The following ELOVL5 variants were observed in gnomAD, a reference collection of about 807,000 sequenced individuals.
The protein encoded by ELOVL5 is very long chain fatty acid elongase 5.
ELOVL5 carries 8 observed loss-of-function variants against 38.6 expected under a neutral mutation model. The ratio of observed to expected loss-of-function variants is 0.21; its 90% confidence interval spans 0.12 to 0.37. The LOEUF is 0.37. ELOVL5 is among the 10% of genes least tolerant of loss of function. The pLI, the probability that ELOVL5 is intolerant of heterozygous loss-of-function variation, is 1.00. For missense variants in ELOVL5, 280 were observed against 367.8 expected, an observed-to-expected ratio of 0.76 and a Z score of 1.95; for synonymous variants, 127 against 133.7, an observed-to-expected ratio of 0.95 and a Z score of 0.34.
At chr6:53,348,096 C>T (rs535254624) in intron 1 of ELOVL5, among the ~76,000 whole-genome samples, 1 of 151,024 alleles carries the variant, frequency 6.6e-6, no homozygotes, top group African/African-American at 2.4e-5. Context: ...GAAAGGGCCG[C>T]CCCGGTCGCC....
intron 1 of ELOVL5, among the ~76,000 whole-genome samples, chr6:53,339,099 G>A (rs1475631825): frequency 6.6e-6 from 1 of 152,140 alleles, no homozygotes; most frequent in African/African-American, 2.4e-5. Context: ...AGTGAGGAGA[G>A]GGAGAAGCAA....
At chr6:53,335,401 C>A (rs964781230) in intron 1 of ELOVL5, among the ~76,000 whole-genome samples, 1 of 152,166 alleles carries the variant, frequency 6.6e-6, no homozygotes, top group African/African-American at 2.4e-5. Flanking sequence ...CAACTACCTG[C>A]CCCCTTTGCC....
At chr6:53,346,597 A>G (rs554230428) in intron 1 of ELOVL5, among the ~76,000 whole-genome samples, 1 of 152,268 alleles carries the variant, frequency 6.6e-6, no homozygotes, top group African/African-American at 2.4e-5. Flanking sequence ...AAAGAGGAGG[A>G]ATTAAAAAAA....
intron 1 of ELOVL5, among the ~76,000 whole-genome samples, chr6:53,308,475 G>A (rs1767694424): frequency 6.6e-6 from 1 of 152,142 alleles, no homozygotes; most frequent in South Asian, 2.1e-4. Context: ...ATAATGAGTG[G>A]ATCAATGAAT....
At position 53,296,400 on chromosome 6, in the gene ELOVL5, C is replaced by T. The variant is rs138381227; in HGVS notation, c.-8-693G>A. On this transcript the variant is annotated intron_variant, in intron 1 of 7. Coordinates refer to ENST00000304434, the MANE Select transcript of ELOVL5 (RefSeq NM_021814.5). The stretch of plus-strand genomic sequence containing the variant: ...GTGAAATCTACCATTAGTAGATGAT[C>T]ATGTCAACTTAGCATTAAAAATAAT... Among the ~76,000 whole-genome samples, 589 of 152,122 alleles carry T rather than the reference C, an allele frequency of 3.9e-3. 3 individuals carry two copies. Among genetic ancestry groups the T allele is most frequent in the African/African-American group, 0.013 (551 of 41,488 alleles).
chr6:53,305,132 G>A (rs1767441123), intron 1 of ELOVL5, among the ~76,000 whole-genome samples: 2 of 150,530 alleles, frequency 1.3e-5, no homozygotes, highest in African/African-American at 2.4e-5. Context: ...CTCCCAGACG[G>A]GGCGGCTCGC....
chr6:53,270,533 A>G (rs771347023), intron 7 of ELOVL5, 60 bp downstream of exon 7: 231 of 1,576,948 alleles, frequency 1.5e-4, no homozygotes, highest in Admixed American at 2.5e-4. Context: ...AAGTAAATAG[A>G]TGAGGGCCTT....
intron 1 of ELOVL5, among the ~76,000 whole-genome samples, chr6:53,326,000 G>C (rs1197713971): frequency 2.0e-5 from 3 of 152,194 alleles, no homozygotes; most frequent in African/African-American, 7.2e-5. Flanking sequence ...CATTTGGCCA[G>C]GTTATTAAGG....
intron 6 of ELOVL5, 34 bp from the exon 7 acceptor site, chr6:53,270,761 A>G: frequency 1.2e-6 from 2 of 1,613,530 alleles, no homozygotes; most frequent in Non-Finnish European, 1.7e-6. Flanking sequence ...CTGAACAGGG[A>G]CAGTGCATGG....
At chr6:53,281,319 A>G (rs1407137397) in intron 3 of ELOVL5, among the ~76,000 whole-genome samples, 1 of 151,098 alleles carries the variant, frequency 6.6e-6, no homozygotes, top group African/African-American at 2.4e-5. Flanking sequence ...CGTAGGGTTG[A>G]CCCTCTTCAT....
At chr6:53,335,892 T>C (rs916839512) in intron 1 of ELOVL5, among the ~76,000 whole-genome samples, 1 of 152,192 alleles carries the variant, frequency 6.6e-6, no homozygotes, top group Admixed American at 6.5e-5. Flanking sequence ...TCTTACATCC[T>C]GCTGCTCGGA....
At chr6:53,279,380 A>C (rs1766271760) in intron 3 of ELOVL5, among the ~76,000 whole-genome samples, 1 of 152,192 alleles carries the variant, frequency 6.6e-6, no homozygotes, top group Non-Finnish European at 1.5e-5. Flanking sequence ...TGAGCACTAG[A>C]GCCTGAGGTC....
chr6:53,321,710 T>C (rs1030169115), intron 1 of ELOVL5, among the ~76,000 whole-genome samples: 5 of 152,238 alleles, frequency 3.3e-5, no homozygotes, highest in East Asian at 1.9e-4. Flanking sequence ...TTTAGTCTAA[T>C]GTAAAACACT....
At chr6:53,327,334 C>T (rs1173159032) in intron 1 of ELOVL5, among the ~76,000 whole-genome samples, 2 of 152,162 alleles carry the variant, frequency 1.3e-5, no homozygotes, top group Non-Finnish European at 2.9e-5. Context: ...CCCTATGAAT[C>T]CCTTAAAAGT....
chr6:53,335,169 T>G (rs1317152445), intron 1 of ELOVL5, among the ~76,000 whole-genome samples: 1 of 152,172 alleles, frequency 6.6e-6, no homozygotes, highest in South Asian at 2.1e-4. Context: ...CCAACCAGAT[T>G]AGTACACTCT....
chr6:53,335,086 T>C (rs921538114), intron 1 of ELOVL5, among the ~76,000 whole-genome samples: 1 of 152,238 alleles, frequency 6.6e-6, no homozygotes, highest in Non-Finnish European at 1.5e-5. Flanking sequence ...CCAAGCTCTA[T>C]GGGATTTACA....
intron 3 of ELOVL5, among the ~76,000 whole-genome samples, chr6:53,281,832 T>C (rs557547918): frequency 6.6e-6 from 1 of 151,854 alleles, no homozygotes; most frequent in East Asian, 1.9e-4. Context: ...GTTTTTTTTT[T>C]TTCCTTCTCC....
At chr6:53,335,659 CTA>C (rs1769030777) in intron 1 of ELOVL5, among the ~76,000 whole-genome samples, 1 of 152,190 alleles carries the variant, frequency 6.6e-6, no homozygotes, top group Non-Finnish European at 1.5e-5. Context: ...CTGGTCTCGT[CTA>C]CCACCCATGG....
At chr6:53,293,995 A>T in intron 2 of ELOVL5, 1 of 844,062 alleles carries the variant, frequency 1.2e-6, no homozygotes, top group Non-Finnish European at 1.5e-6. Flanking sequence ...TGTCAATTTT[A>T]AGAAAACCAG....
Sources: gnomAD v4.1 joint callset for allele counts (sites outside exome capture counted in the v4.1 genomes callset) on GRCh38, gnomAD v4.1.1 for gene constraint, MANE v1.5 for transcripts, NCBI Gene and HGNC (gene_info 2026-07-23, HGNC 2026-07-21) for gene names.